Variants in CACNG4 observed in about 807,000 individuals in gnomAD.
CACNG4 encodes voltage-dependent calcium channel gamma-4 subunit.
Under a neutral mutation model 22.9 loss-of-function variants are expected in CACNG4, and 8 were observed. The observed-to-expected ratio is 0.35, with a 90% CI of 0.21 to 0.63. CACNG4 has a LOEUF of 0.63. Ranked by LOEUF, CACNG4 falls within the 30% of genes least tolerant of loss-of-function variation. CACNG4 has a pLI of 0.72. For synonymous variants in CACNG4, 188 were observed against 191.9 expected (o/e 0.98, Z 0.17); for missense variants, 357 against 455.4 (o/e 0.78, Z 1.97).
chr17:66,989,797 A>G (rs902714136), intron 1 of CACNG4, among the ~76,000 whole-genome samples: 7 of 151,288 alleles, frequency 4.6e-5, no homozygotes, highest in African/African-American at 1.5e-4. Flanking sequence ...TGAACCGCCC[A>G]CCAACCTCCC....
At chr17:66,981,930 C>G (rs943673601) in intron 1 of CACNG4, among the ~76,000 whole-genome samples, 1 of 152,198 alleles carries the variant, frequency 6.6e-6, no homozygotes, top group Admixed American at 6.5e-5. Context: ...AGAGAGCTAA[C>G]TCTTATAAAA....
intron 1 of CACNG4, among the ~76,000 whole-genome samples, chr17:67,011,136 T>G (rs2035465524): frequency 6.6e-6 from 1 of 152,226 alleles, no homozygotes; most frequent in Admixed American, 6.5e-5. Flanking sequence ...TCAACCAAAA[T>G]TGCCTGGACG....
At chr17:66,993,884 G>T (rs1208528427) in intron 1 of CACNG4, among the ~76,000 whole-genome samples, 3 of 152,138 alleles carry the variant, frequency 2.0e-5, no homozygotes, top group Admixed American at 1.3e-4. Flanking sequence ...CTCCCAAAGT[G>T]CTGGGATTAC....
chr17:67,000,054 T>C (rs2035399004), intron 1 of CACNG4, among the ~76,000 whole-genome samples: 1 of 152,154 alleles, frequency 6.6e-6, no homozygotes. Context: ...GCCCTCCTAA[T>C]CAGGTGATGA....
At chr17:67,017,980 AC>A (rs2035510277) in intron 1 of CACNG4, among the ~76,000 whole-genome samples, 1 of 151,140 alleles carries the variant, frequency 6.6e-6, no homozygotes, top group Non-Finnish European at 1.5e-5. Flanking sequence ...AACTAGGGTC[AC>A]CTTTGGGGCA....
chr17:66,980,764 G>A (rs979091387), intron 1 of CACNG4, among the ~76,000 whole-genome samples: 30 of 151,598 alleles, frequency 2.0e-4, no homozygotes, highest in African/African-American at 6.5e-4. Context: ...AATTACAGGC[G>A]TGCACCACCA....
chr17:66,972,589 G>A (rs2035211371), intron 1 of CACNG4, among the ~76,000 whole-genome samples: 1 of 152,198 alleles, frequency 6.6e-6, no homozygotes, highest in Admixed American at 6.5e-5. Flanking sequence ...GGGAAGGCAT[G>A]ATTCTTTGTA....
chr17:67,029,828 C>G (rs148898750), intron 3 of CACNG4, among the ~76,000 whole-genome samples: 1 of 152,186 alleles, frequency 6.6e-6, no homozygotes, highest in African/African-American at 2.4e-5. Flanking sequence ...TATTCCCAAA[C>G]AAAAATGTAT....
intron 1 of CACNG4, among the ~76,000 whole-genome samples, chr17:66,989,402 C>T (rs2035325322): frequency 6.6e-6 from 1 of 151,434 alleles, no homozygotes; most frequent in South Asian, 2.1e-4. Flanking sequence ...GATGCAGCTA[C>T]AAGCCAGGGA....
At chr17:66,977,651 G>A (rs972199354) in intron 1 of CACNG4, among the ~76,000 whole-genome samples, 2 of 152,258 alleles carry the variant, frequency 1.3e-5, no homozygotes, top group South Asian at 2.1e-4. Context: ...CAGGCACCAC[G>A]GGGCAGGGAG....
intron 1 of CACNG4, among the ~76,000 whole-genome samples, chr17:67,012,570 A>G (rs951033302): frequency 7.9e-5 from 12 of 152,260 alleles, no homozygotes; most frequent in African/African-American, 2.9e-4. Flanking sequence ...CCACCAAGGG[A>G]CAGCGTTTGG....
intron 1 of CACNG4, among the ~76,000 whole-genome samples, chr17:66,972,592 T>C (rs2035211385): frequency 6.6e-6 from 1 of 152,134 alleles, no homozygotes; most frequent in South Asian, 2.1e-4. Flanking sequence ...AAGGCATGAT[T>C]CTTTGTAGCT....
At chr17:66,992,359 A>G (rs1425679394) in intron 1 of CACNG4, among the ~76,000 whole-genome samples, 1 of 152,198 alleles carries the variant, frequency 6.6e-6, no homozygotes, top group Non-Finnish European at 1.5e-5. Flanking sequence ...AGAAGAGCTT[A>G]TTTAGGTCCT....
intron 1 of CACNG4, among the ~76,000 whole-genome samples, chr17:66,965,686 G>A (rs912796784): frequency 1.3e-5 from 2 of 150,814 alleles, no homozygotes; most frequent in African/African-American, 4.9e-5. Context: ...CTACAGGCTC[G>A]GGCTGAGGGG....
intron 2 of CACNG4, among the ~76,000 whole-genome samples, chr17:67,023,093 C>T (rs565103651): frequency 2.0e-5 from 3 of 152,216 alleles, no homozygotes; most frequent in African/African-American, 4.8e-5. Context: ...GGTTGGCACT[C>T]CTTGGCCCAT....
chr17:66,966,993 C>T (rs145498127), intron 1 of CACNG4, among the ~76,000 whole-genome samples: 26 of 152,330 alleles, frequency 1.7e-4, no homozygotes, highest in Non-Finnish European at 3.2e-4. Flanking sequence ...CCATCAGGTG[C>T]CAACTGCCTG....
intron 1 of CACNG4, among the ~76,000 whole-genome samples, chr17:66,983,769 C>G (rs2035290241): frequency 6.6e-6 from 1 of 152,200 alleles, no homozygotes; most frequent in South Asian, 2.1e-4. Context: ...GGGGCTGCCA[C>G]CCACTGGCAC....
chr17:67,017,613 G>A (rs2035507172), intron 1 of CACNG4, among the ~76,000 whole-genome samples: 1 of 151,988 alleles, frequency 6.6e-6, no homozygotes, highest in South Asian at 2.1e-4. Context: ...TGCCTCCCGG[G>A]TTCAAGCAAT....
intron 1 of CACNG4, 26 bp downstream of exon 1, chr17:66,965,157 GCC>G (rs745721001): frequency 0.091 from 96,195 of 1,054,610 alleles, 5,414 homozygotes; most frequent in African/African-American, 0.18. Context: ...ACCCCTCGCC[GCC>G]CCACACACAC....
Sources: gnomAD v4.1 joint callset for allele counts (sites outside exome capture counted in the v4.1 genomes callset) on GRCh38, gnomAD v4.1.1 for gene constraint, MANE v1.5 for transcripts, NCBI Gene and HGNC (gene_info 2026-07-23, HGNC 2026-07-21) for gene names.